Variants in GRIA1 observed in about 807,000 individuals in gnomAD.
GRIA1 encodes glutamate receptor 1.
Under a neutral mutation model 99.2 loss-of-function variants are expected in GRIA1, and 31 were observed. The ratio of observed to expected loss-of-function variants is 0.31; its 90% CI spans 0.23 to 0.42. The LOEUF (loss-of-function observed/expected upper bound fraction) is 0.42, where lower values mean the gene tolerates loss of function less well. Ranked by LOEUF, GRIA1 falls within the 10% of genes least tolerant of loss-of-function variation. The probability of loss-of-function intolerance (pLI) is 1.00; values close to 1 mark genes in which losing one functional copy is unlikely to be tolerated. For synonymous variants in GRIA1, 438 were observed against 432.4 expected (o/e 1.01, Z -0.16); for missense variants, 782 against 1,157.5 (o/e 0.68, Z 4.71).
In GRIA1 at chr5:153,525,874, G is replaced by A. The variant is rs759870528; in HGVS notation, c.220+31809G>A. Among the ~76,000 whole-genome samples, 77 of 152,272 alleles carry A rather than the reference G, an allele frequency of 5.1e-4. 1 individual carries two copies. The highest frequency in any genetic ancestry group is 7.6e-4 in the Non-Finnish European group (52 of 68,026). ...ACTCAGTAAGTTGGAGAGTCTCTGT[G>A]GGTATACAACTGGCACTTTGATTGC... is the stretch of plus-strand genomic sequence containing the variant. On this transcript the variant is annotated intron_variant, in intron 2 of 15. Coordinates refer to ENST00000285900, the MANE Select transcript of GRIA1 (RefSeq NM_000827.4).
chr5:153,500,565 T>C (rs2059897), intron 2 of GRIA1, among the ~76,000 whole-genome samples: 30 of 92,994 alleles, frequency 3.2e-4, no homozygotes, highest in African/African-American at 1.1e-3. Context: ...CAAATCTGCC[T>C]CTCTTTCTCT....
chr5:153,697,057 TG>T (rs960507513), intron 8 of GRIA1, among the ~76,000 whole-genome samples: 5 of 152,358 alleles, frequency 3.3e-5, no homozygotes, highest in African/African-American at 1.2e-4. Flanking sequence ...CTTAAACATC[TG>T]GGCAGATTCC....
At chr5:153,520,037 G>A (rs546283966) in intron 2 of GRIA1, among the ~76,000 whole-genome samples, 28 of 152,190 alleles carry the variant, frequency 1.8e-4, no homozygotes, top group South Asian at 6.2e-4. Flanking sequence ...TGTTAGGTTC[G>A]TAGTAACAAT....
intron 10 of GRIA1, among the ~76,000 whole-genome samples, 199 bp from the exon 11 acceptor site, chr5:153,705,498 T>G (rs1196683853): frequency 2.0e-5 from 3 of 152,062 alleles, no homozygotes; most frequent in African/African-American, 7.3e-5. Context: ...GAAAATCTCT[T>G]GTAAGATATT....
intron 2 of GRIA1, among the ~76,000 whole-genome samples, chr5:153,611,746 G>A (rs987758966): frequency 6.6e-6 from 1 of 152,186 alleles, no homozygotes; most frequent in African/African-American, 2.4e-5. Context: ...CAAAAACTAA[G>A]TTGAAAGAAG....
intron 2 of GRIA1, among the ~76,000 whole-genome samples, chr5:153,507,409 C>T (rs1277217382): frequency 2.0e-5 from 3 of 152,110 alleles, no homozygotes; most frequent in African/African-American, 7.2e-5. Flanking sequence ...TTCTCACTAG[C>T]GTCTACCCTT....
At chr5:153,795,681 C>A (rs1765599697) in intron 14 of GRIA1, 2 of 687,562 alleles carry the variant, frequency 2.9e-6, no homozygotes, top group Admixed American at 2.7e-5. Flanking sequence ...GGCTTGGAGG[C>A]CTTAGAGAGC....
intron 2 of GRIA1, among the ~76,000 whole-genome samples, chr5:153,643,127 G>T (rs1310562093): frequency 4.6e-5 from 7 of 152,098 alleles, no homozygotes. Context: ...CCTGCTTACT[G>T]GATTTGAAAA....
At chr5:153,575,056 G>A (rs1762412606) in intron 2 of GRIA1, among the ~76,000 whole-genome samples, 1 of 152,104 alleles carries the variant, frequency 6.6e-6, no homozygotes, top group South Asian at 2.1e-4. Context: ...CAAATTAAAT[G>A]GATAATTCTT....
At chr5:153,559,990 T>C (rs953744750) in intron 2 of GRIA1, among the ~76,000 whole-genome samples, 3 of 149,886 alleles carry the variant, frequency 2.0e-5, no homozygotes, top group African/African-American at 7.3e-5. Flanking sequence ...GTTTACAAAG[T>C]TTACTCTGAA....
intron 1 of GRIA1, among the ~76,000 whole-genome samples, chr5:153,492,709 A>G (rs1754041294): frequency 6.6e-6 from 1 of 152,102 alleles, no homozygotes; most frequent in Non-Finnish European, 1.5e-5. Flanking sequence ...ATGTTTTCTC[A>G]TGTATCTCTG....
intron 2 of GRIA1, among the ~76,000 whole-genome samples, chr5:153,571,007 G>T (rs1301854481): frequency 6.6e-6 from 1 of 152,116 alleles, no homozygotes; most frequent in Non-Finnish European, 1.5e-5. Flanking sequence ...GCAGGATGGA[G>T]CAGGGAACCA....
At chr5:153,663,245 A>G (rs551722239) in intron 5 of GRIA1, among the ~76,000 whole-genome samples, 31 of 152,236 alleles carry the variant, frequency 2.0e-4, no homozygotes, top group Non-Finnish European at 4.3e-4. Flanking sequence ...ATGAAGTTCA[A>G]GTTGTTGAAA....
At chr5:153,779,947 C>T (rs552841894) in intron 13 of GRIA1, among the ~76,000 whole-genome samples, 2 of 152,064 alleles carry the variant, frequency 1.3e-5, no homozygotes, top group African/African-American at 4.8e-5. Context: ...GTGGTGAAAG[C>T]GAGGTGGCAG....
chr5:153,696,158 C>T (rs1218343571), intron 8 of GRIA1, among the ~76,000 whole-genome samples: 1 of 152,150 alleles, frequency 6.6e-6, no homozygotes, highest in Admixed American at 6.5e-5. Context: ...ACCCTGTGGC[C>T]TTGGGAAAGT....
chr5:153,612,074 G>A (rs907952513), intron 2 of GRIA1, among the ~76,000 whole-genome samples: 4 of 152,222 alleles, frequency 2.6e-5, no homozygotes, highest in African/African-American at 4.8e-5. Flanking sequence ...AATGTGAGAT[G>A]GGGAAATGTG....
intron 2 of GRIA1, among the ~76,000 whole-genome samples, chr5:153,508,894 T>A (rs775651180): frequency 6.6e-6 from 1 of 152,208 alleles, no homozygotes; most frequent in Non-Finnish European, 1.5e-5. Flanking sequence ...GGTTCAGGTC[T>A]GCCCGATGTG....
intron 7 of GRIA1, among the ~76,000 whole-genome samples, chr5:153,681,508 G>C (rs7718508): frequency 6.6e-6 from 1 of 152,152 alleles, no homozygotes; most frequent in South Asian, 2.1e-4. Context: ...AGCAAGAGAC[G>C]AGGTAGGGTG....
In GRIA1 at chr5:153,686,300, A is replaced by G; in HGVS notation, c.1105A>G (p.Ile369Val). The change falls in exon 8 of 16, where the codon ATT (isoleucine) becomes GTT (valine). Residue 369 changes from isoleucine to valine, a missense_variant. By Grantham distance (29) the Ile-to-Val change is conservative. Coordinates refer to ENST00000285900, the MANE Select transcript of GRIA1 (RefSeq NM_000827.4). ...CCGGACCAACTACACGCTCCACGTGATTGAAATGAAACATGACGGCATCCG... is the reference window on the plus strand; with the variant it reads ...CCGGACCAACTACACGCTCCACGTGGTTGAAATGAAACATGACGGCATCCG... ...GRRTNYTLHV[I>V]EMKHDGIRKI... 6.2e-7 allele frequency: 1 copy of G among 1,613,908 alleles called. No individual in the cohort carries two copies. The highest frequency in any genetic ancestry group is 1.1e-5 in the South Asian group (1 of 91,068).
Sources: allele counts gnomAD v4.1 joint callset (sites outside exome capture counted in the v4.1 genomes callset), GRCh38; gene constraint gnomAD v4.1.1; transcripts MANE v1.5; gene names NCBI Gene and HGNC (gene_info 2026-07-23, HGNC 2026-07-21).